Variants in PDE4D observed in about 807,000 individuals in gnomAD.
PDE4D encodes phosphodiesterase 4D, also known as 3',5'-cyclic-AMP phosphodiesterase 4D.
In PDE4D, 24 loss-of-function variants were observed where a neutral mutation model predicts 87.4. That is an observed-to-expected ratio of 0.27 (90% CI 0.20 to 0.39). PDE4D has a LOEUF of 0.39. Among genes scored for constraint, PDE4D ranks in the 10% least tolerant of loss-of-function variants. The pLI is 1.00. For missense variants in PDE4D, 714 were observed against 1,041.0 expected, an observed-to-expected ratio of 0.69 and a Z score of 4.32; for synonymous variants, 384 against 383.2, an observed-to-expected ratio of 1.00 and a Z score of -0.02.
intron 1 of PDE4D, among the ~76,000 whole-genome samples, chr5:59,755,629 T>G (rs1017265329): frequency 1.3e-5 from 2 of 152,110 alleles, no homozygotes; most frequent in African/African-American, 2.4e-5. Context: ...TTTTAGTTAT[T>G]AGTATCCATA....
At chr5:59,252,665 G>A (rs1464518921) in intron 1 of PDE4D, among the ~76,000 whole-genome samples, 2 of 152,012 alleles carry the variant, frequency 1.3e-5, no homozygotes. Flanking sequence ...GGGACTACAG[G>A]TGTGTGCAAC....
intron 1 of PDE4D, among the ~76,000 whole-genome samples, chr5:59,591,903 C>T (rs1825971472): frequency 6.6e-6 from 1 of 152,046 alleles, no homozygotes; most frequent in South Asian, 2.1e-4. Context: ...GACTTTTTGC[C>T]TCAAGCTCCC....
intron 5 of PDE4D, among the ~76,000 whole-genome samples, chr5:59,043,141 A>G (rs1759974484): frequency 6.6e-6 from 1 of 152,202 alleles, no homozygotes; most frequent in Non-Finnish European, 1.5e-5. Context: ...AGATAGACCT[A>G]TTGGTATACA....
intron 1 of PDE4D, chr5:59,587,071 G>T: frequency 1.2e-6 from 1 of 824,894 alleles, no homozygotes; most frequent in Non-Finnish European, 1.5e-6. Context: ...TGCAGGACAA[G>T]ATTACCATTA....
chr5:58,991,335 T>C (rs564508644), intron 8 of PDE4D, among the ~76,000 whole-genome samples: 9 of 152,204 alleles, frequency 5.9e-5, no homozygotes, highest in South Asian at 4.1e-4. Context: ...AGTGTAAAGA[T>C]TGTTAGATTG....
At chr5:60,329,224 A>G (rs1204614363) in intron 1 of PDE4D, among the ~76,000 whole-genome samples, 1 of 152,202 alleles carries the variant, frequency 6.6e-6, no homozygotes, top group Non-Finnish European at 1.5e-5. Context: ...AGAGGGACCC[A>G]GTAGGAGGTC....
rs34049029 is a variant in PDE4D, at chr5:59,199,257, C to CT, written c.648-5722dup. On this transcript the variant is annotated intron_variant, in intron 2 of 14. Transcript: ENST00000340635. Reference sequence around the variant, plus strand: ...CTGGGGCTTACGTTTGAATCTAATCCTTTTTTTTTTTTTTTCAATGGCATG... The same window carrying CT: ...CTGGGGCTTACGTTTGAATCTAATCCTTTTTTTTTTTTTTTTCAATGGCATG... Among the ~76,000 whole-genome samples, 742 of 141,908 alleles carry CT rather than the reference C, an allele frequency of 5.2e-3. 3 individuals carry two copies. The highest frequency in any genetic ancestry group is 0.018 in the African/African-American group (693 of 38,838). The allele number at this position is 141,908 out of a possible 152,430, so 93.1% of individuals were successfully genotyped here. A position where few individuals can be genotyped will look rare whatever the true frequency, so the allele number is the denominator to read the frequency against.
chr5:60,188,332 G>A (rs760324436), intron 1 of PDE4D: 4 of 152,196 alleles, frequency 2.6e-5, no homozygotes, highest in Non-Finnish European at 5.9e-5. Context: ...ACCCTAGGAG[G>A]GATGGGTTGC....
At chr5:59,208,244 G>T (rs1749272384) in intron 2 of PDE4D, among the ~76,000 whole-genome samples, 1 of 152,146 alleles carries the variant, frequency 6.6e-6, no homozygotes, top group African/African-American at 2.4e-5. Flanking sequence ...AAATAAAATG[G>T]TATGCTAAAT....
intron 1 of PDE4D, among the ~76,000 whole-genome samples, chr5:59,381,943 A>C (rs943408703): frequency 1.3e-5 from 2 of 152,168 alleles, no homozygotes; most frequent in African/African-American, 2.4e-5. Context: ...TAGAAAAGTG[A>C]ATGAAAACAG....
rs1237664932 is a variant in PDE4D, at chr5:58,971,692, GT to G, written c.*2971del. ...AAAACAAAATTAAAACAGCATTATT[GT>G]GTTCAGTAACTTGCAAGCTGAAATG... On this transcript the variant is annotated 3_prime_UTR_variant, in exon 15 of 15. Transcript: ENST00000340635. 6 of 152,402 alleles carry G rather than the reference GT, an allele frequency of 3.9e-5. No individual in the cohort carries two copies. The highest frequency in any genetic ancestry group is 8.8e-5 in the Non-Finnish European group (6 of 67,968). The allele number at this position is 152,402 out of a possible 1,614,324, so 9.4% of individuals were successfully genotyped here.
chr5:59,553,907 C>T (rs1818493515), intron 1 of PDE4D, among the ~76,000 whole-genome samples: 1 of 152,242 alleles, frequency 6.6e-6, no homozygotes, highest in Admixed American at 6.5e-5. Context: ...CCGTCATTAA[C>T]CAGGAGTATA....
chr5:59,667,480 G>A (rs1289381537), intron 1 of PDE4D, among the ~76,000 whole-genome samples: 3 of 152,062 alleles, frequency 2.0e-5, no homozygotes. Flanking sequence ...TTGCTTCCAA[G>A]TTAGACATAA....
intron 1 of PDE4D, among the ~76,000 whole-genome samples, chr5:60,339,837 T>C (rs1266878478): frequency 6.6e-6 from 1 of 152,226 alleles, no homozygotes; most frequent in Non-Finnish European, 1.5e-5. Context: ...TTCCACAAAC[T>C]AGCTGCCTAA....
intron 5 of PDE4D, among the ~76,000 whole-genome samples, chr5:59,148,251 A>T (rs1778956807): frequency 6.6e-6 from 1 of 152,162 alleles, no homozygotes; most frequent in Admixed American, 6.6e-5. Flanking sequence ...ACCTTATTTC[A>T]GTTGAGGGTA....
intron 1 of PDE4D, among the ~76,000 whole-genome samples, chr5:59,860,422 C>T (rs577165585): frequency 6.6e-6 from 1 of 152,098 alleles, no homozygotes; most frequent in Non-Finnish European, 1.5e-5. Flanking sequence ...ATGCACCCCA[C>T]TAAGTGATTT....
intron 1 of PDE4D, among the ~76,000 whole-genome samples, chr5:59,654,248 G>C (rs1744000230): frequency 6.6e-6 from 1 of 152,176 alleles, no homozygotes; most frequent in South Asian, 2.1e-4. Context: ...GCACAGGGGA[G>C]GGGAGGAAGG....
chr5:58,986,522 G>C (rs1461930282), intron 11 of PDE4D, among the ~76,000 whole-genome samples: 1 of 152,156 alleles, frequency 6.6e-6, no homozygotes, highest in African/African-American at 2.4e-5. Context: ...CCTGAGCTCC[G>C]CCTCCTGTCA....
chr5:59,301,608 A>C (rs1388642064), intron 1 of PDE4D, among the ~76,000 whole-genome samples: 1 of 152,100 alleles, frequency 6.6e-6, no homozygotes, highest in African/African-American at 2.4e-5. Context: ...GACACATTTT[A>C]GTGAGGTTTT....
Sources: gnomAD v4.1 joint callset for allele counts (sites outside exome capture counted in the v4.1 genomes callset) on GRCh38, gnomAD v4.1.1 for gene constraint, MANE v1.5 for transcripts, NCBI Gene and HGNC (gene_info 2026-07-23, HGNC 2026-07-21) for gene names.